The following KLRG1 variants were observed in gnomAD, a reference collection of about 807,000 sequenced individuals.
KLRG1 encodes the protein killer cell lectin like receptor G1.
In KLRG1, 16 loss-of-function variants were observed where a neutral mutation model predicts 21.8. The ratio of observed to expected loss-of-function variants is 0.73; its 90% CI spans 0.50 to 1.11. KLRG1 has a LOEUF of 1.11. Among genes scored for constraint, KLRG1 ranks in the 50% most tolerant of loss-of-function variants. KLRG1 has a pLI of 0.00. For missense variants in KLRG1, 173 were observed against 218.3 expected (o/e 0.79, Z 1.31); for synonymous variants, 69 against 75.9 (o/e 0.91, Z 0.47).
chr12:9,157,804 A>C, the KLRG1 span: 2 of 1,614,156 alleles, frequency 1.2e-6, no homozygotes, highest in Non-Finnish European at 1.7e-6. Flanking sequence ...GGCAATAGTA[A>C]CATAGGCGGA....
the KLRG1 span, among the ~76,000 whole-genome samples, chr12:9,059,227 A>T: frequency 6.6e-6 from 1 of 152,214 alleles, no homozygotes; most frequent in South Asian, 2.1e-4. Flanking sequence ...CTTTCTCTAC[A>T]TTTCACAGTA....
At chr12:9,207,610 C>G in the KLRG1 span, among the ~76,000 whole-genome samples, 1 of 152,154 alleles carries the variant, frequency 6.6e-6, no homozygotes, top group East Asian at 1.9e-4. Flanking sequence ...CAGTGCATGC[C>G]AGCAAGTAAG....
the KLRG1 span, chr12:9,157,032 T>C: frequency 1.5e-6 from 1 of 656,778 alleles, no homozygotes; most frequent in Non-Finnish European, 2.4e-6. Context: ...GCCCATCACC[T>C]GGTTATTAGG....
intron 4 of KLRG1, 135 bp from the exon 5 acceptor site, chr12:9,009,291 A>T: frequency 8.4e-7 from 1 of 1,184,996 alleles, no homozygotes; most frequent in Non-Finnish European, 1.2e-6. Flanking sequence ...GAACAATTTT[A>T]ATTCTTCTGC....
At chr12:8,981,186 A>G (rs1053660952) in intron 1 of KLRG1, among the ~76,000 whole-genome samples, 1 of 152,164 alleles carries the variant, frequency 6.6e-6, no homozygotes, top group Non-Finnish European at 1.5e-5. Flanking sequence ...TCTTATTAGA[A>G]GTTTATCAGT....
the KLRG1 span, chr12:9,072,661 A>G: frequency 1.1e-5 from 17 of 1,614,038 alleles, no homozygotes; most frequent in Non-Finnish European, 1.4e-5. Flanking sequence ...ACCTGGAGGT[A>G]GACACATCCT....
At chr12:9,129,224 TATAA>T in the KLRG1 span, among the ~76,000 whole-genome samples, 123,246 of 151,690 alleles carry the variant, frequency 0.81, 50,423 homozygotes, top group African/African-American at 0.84. Flanking sequence ...TGGTGCTAAA[TATAA>T]ATAAATTTTT....
the KLRG1 span, among the ~76,000 whole-genome samples, chr12:9,172,303 A>C: frequency 2.0e-5 from 3 of 152,214 alleles, no homozygotes; most frequent in Admixed American, 6.5e-5. Flanking sequence ...TAGGAAATTT[A>C]TCAACACAAG....
upstream of KLRG1, chr12:8,987,495 A>G (rs78873421): frequency 0.18 from 28,118 of 152,224 alleles, 3,233 homozygotes; most frequent in Admixed American, 0.28. Context: ...TGGAATGATG[A>G]AAATATAAAT....
At chr12:9,194,279 C>T in the KLRG1 span, 1 of 1,588,702 alleles carries the variant, frequency 6.3e-7, no homozygotes, top group Non-Finnish European at 8.6e-7. Flanking sequence ...TGAACAACAC[C>T]CAGAGAGGAC....
At chr12:9,149,649 T>C in the KLRG1 span, 26 of 1,583,724 alleles carry the variant, frequency 1.6e-5, no homozygotes, top group Admixed American at 4.4e-4. Context: ...ATCTATGAAC[T>C]AGGGACCATG....
the KLRG1 span, among the ~76,000 whole-genome samples, chr12:9,191,412 T>G: frequency 5.9e-5 from 9 of 152,086 alleles, no homozygotes; most frequent in African/African-American, 2.2e-4. Flanking sequence ...AAAATAATTA[T>G]TAATTATTAG....
At chr12:9,148,581 T>C in the KLRG1 span, among the ~76,000 whole-genome samples, 1 of 152,176 alleles carries the variant, frequency 6.6e-6, no homozygotes, top group African/African-American at 2.4e-5. Context: ...TTCTGATGTC[T>C]CTTCTTCTAA....
intron 3 of KLRG1, 61 bp downstream of exon 3, chr12:8,995,349 C>T: frequency 7.0e-7 from 1 of 1,422,426 alleles, no homozygotes; most frequent in Non-Finnish European, 9.6e-7. Context: ...TGTTTTTAAA[C>T]TGCTATTTAA....
the KLRG1 span, chr12:9,163,915 G>A: frequency 1.5e-6 from 2 of 1,321,520 alleles, no homozygotes; most frequent in Admixed American, 2.4e-5. Flanking sequence ...AACCCACAAG[G>A]TTAATGTATA....
intron 1 of KLRG1, among the ~76,000 whole-genome samples, chr12:8,976,156 T>C (rs1946654619): frequency 6.6e-6 from 1 of 152,202 alleles, no homozygotes; most frequent in South Asian, 2.1e-4. Flanking sequence ...AGTTTTGGTA[T>C]TTTGTGTTAT....
At chr12:9,143,283 G>A in the KLRG1 span, among the ~76,000 whole-genome samples, 5 of 152,126 alleles carry the variant, frequency 3.3e-5, no homozygotes, top group East Asian at 1.9e-4. Context: ...CAATACCTTC[G>A]ACCCTAGCCA....
the KLRG1 span, chr12:9,080,345 TGGTTTCCTGTGATTTTCA>T: frequency 2.5e-5 from 10 of 398,006 alleles, no homozygotes; most frequent in African/African-American, 2.1e-4. Flanking sequence ...AATGGGCTAC[TGGTTTCCTGTGATTTTCA>T]GAATTTCTTC....
the KLRG1 span, chr12:9,069,633 C>A: frequency 2.8e-6 from 2 of 716,312 alleles, no homozygotes; most frequent in Non-Finnish European, 2.3e-6. Context: ...CATTAGAATT[C>A]TCAAATTTCT....
Sources: allele counts gnomAD v4.1 joint callset (sites outside exome capture counted in the v4.1 genomes callset), GRCh38; gene constraint gnomAD v4.1.1; transcripts MANE v1.5; gene names NCBI Gene and HGNC (gene_info 2026-07-23, HGNC 2026-07-21).